The following RALYL variants were observed in gnomAD, a reference collection of about 807,000 sequenced individuals.
RALYL encodes the protein RALY RNA binding protein like, also known as RNA-binding Raly-like protein.
RALYL carries 29 observed loss-of-function variants against 35.1 expected under a neutral mutation model. The ratio of observed to expected loss-of-function variants is 0.83; its 90% confidence interval spans 0.61 to 1.13. The LOEUF (loss-of-function observed/expected upper bound fraction) is 1.13. Among genes scored for constraint, RALYL ranks in the 50% most tolerant of loss-of-function variants. RALYL has a pLI of 0.00. For synonymous variants in RALYL, 120 were observed against 127.6 expected (o/e 0.94, Z 0.40); for missense variants, 359 against 360.4 (o/e 1.00, Z 0.03).
intron 2 of RALYL, among the ~76,000 whole-genome samples, chr8:84,628,718 G>A (rs969124739): frequency 1.3e-5 from 2 of 151,974 alleles, no homozygotes; most frequent in Non-Finnish European, 2.9e-5. Flanking sequence ...AAGTAAGAAG[G>A]GTGGATAGAG....
chr8:84,235,761 C>CTTTTT lies in RALYL; in HGVS notation c.-24+51338_-24+51342dup, dbSNP rs200486763. Among the ~76,000 whole-genome samples the CTTTTT allele has an allele frequency of 5.8e-5, 8 of 138,206 alleles. 1 individual carries two copies. The highest frequency in any genetic ancestry group is 1.4e-4 in the African/African-American group (5 of 36,116). The allele number at this position is 138,206 out of a possible 152,430, so 90.7% of individuals were successfully genotyped here. On this transcript the variant is annotated intron_variant, in intron 1 of 8. Coordinates refer to ENST00000521268, the MANE Select transcript of RALYL (RefSeq NM_173848.7). ...ATCCAATGCATTTCTTTTTCTTTTT[C>CTTTTT]TTTTTCTTTTTTTTTTTTTTTTTTG...
intron 1 of RALYL, among the ~76,000 whole-genome samples, chr8:84,305,143 A>G (rs1330898055): frequency 6.6e-6 from 1 of 152,200 alleles, no homozygotes; most frequent in Admixed American, 6.5e-5. Context: ...TAAGTAAAAA[A>G]ACACTCAATT....
intron 2 of RALYL, among the ~76,000 whole-genome samples, chr8:84,537,783 C>T (rs1053373869): frequency 1.3e-5 from 2 of 152,138 alleles, no homozygotes; most frequent in Non-Finnish European, 2.9e-5. Context: ...TAATTAAACT[C>T]ATTTTACAAA....
chr8:84,627,879 T>C (rs1823082975), intron 2 of RALYL, among the ~76,000 whole-genome samples: 2 of 152,086 alleles, frequency 1.3e-5, no homozygotes, highest in South Asian at 4.1e-4. Flanking sequence ...CAAATCTATT[T>C]CAAATTGTAC....
chr8:84,486,819 G>T (rs145259192), intron 1 of RALYL, among the ~76,000 whole-genome samples: 1 of 151,910 alleles, frequency 6.6e-6, no homozygotes, highest in Admixed American at 6.6e-5. Flanking sequence ...TTTTGTTGTG[G>T]TTAAAAACAC....
chr8:84,707,044 T>G (rs1223521590), intron 2 of RALYL, among the ~76,000 whole-genome samples: 2 of 152,176 alleles, frequency 1.3e-5, no homozygotes, highest in African/African-American at 2.4e-5. Flanking sequence ...CAGTCACAAT[T>G]ATCCTATCAA....
intron 2 of RALYL, among the ~76,000 whole-genome samples, chr8:84,709,614 TA>T (rs142708662): frequency 6.0e-5 from 9 of 150,224 alleles, no homozygotes; most frequent in South Asian, 2.1e-4. Context: ...TTCTTTTTTT[TA>T]AAAAAAAAAC....
At chr8:84,875,689 C>T (rs1482896938) in intron 7 of RALYL, among the ~76,000 whole-genome samples, 2 of 151,856 alleles carry the variant, frequency 1.3e-5, no homozygotes, top group South Asian at 2.1e-4. Flanking sequence ...ATATTTTCTT[C>T]ACGAAAAAAA....
At chr8:84,726,157 C>G (rs1268104505) in intron 2 of RALYL, among the ~76,000 whole-genome samples, 1 of 149,396 alleles carries the variant, frequency 6.7e-6, no homozygotes, top group Admixed American at 6.7e-5. Context: ...TATAGCCAAA[C>G]CTGCTCAGTG....
In RALYL at chr8:84,781,477, C is replaced by A. The variant is rs533343117; in HGVS notation, c.332+6823C>A. On this transcript the variant is annotated intron_variant, in intron 3 of 8. Transcript: ENST00000521268. Reference sequence around the variant, plus strand: ...TTAATGCATGAATATCCATTAATATCTTCTGGCATATAGAAAGAATAGAGT... The same window carrying A: ...TTAATGCATGAATATCCATTAATATATTCTGGCATATAGAAAGAATAGAGT... 1.4e-3 allele frequency among the ~76,000 whole-genome samples: 213 copies of A among 152,252 alleles called. 1 individual carries two copies. The highest frequency in any genetic ancestry group is 5.0e-3 in the African/African-American group (206 of 41,538).
chr8:84,577,394 T>C (rs1483353), intron 2 of RALYL, among the ~76,000 whole-genome samples: 45,583 of 151,832 alleles, frequency 0.3, 7,694 homozygotes, highest in African/African-American at 0.46. Flanking sequence ...AGACGAATGG[T>C]GGGTGGTAAA....
chr8:84,310,171 T>C (rs1329657690), intron 1 of RALYL, among the ~76,000 whole-genome samples: 3 of 151,978 alleles, frequency 2.0e-5, no homozygotes, highest in Admixed American at 2.0e-4. Flanking sequence ...GCCTCCCAAG[T>C]ACCTGGGGTT....
chr8:84,807,826 A>G (rs577308196), intron 4 of RALYL, among the ~76,000 whole-genome samples: 81 of 152,204 alleles, frequency 5.3e-4, no homozygotes, highest in African/African-American at 1.9e-3. Flanking sequence ...TTTGAGTACT[A>G]TCTATTCATG....
chr8:84,511,770 T>C (rs2057643356), intron 1 of RALYL, among the ~76,000 whole-genome samples: 1 of 152,144 alleles, frequency 6.6e-6, no homozygotes. Context: ...CCCTTAGCTC[T>C]CATGTATGAG....
intron 1 of RALYL, among the ~76,000 whole-genome samples, chr8:84,339,125 T>A (rs1848327013): frequency 1.3e-5 from 2 of 152,006 alleles, no homozygotes; most frequent in African/African-American, 2.4e-5. Flanking sequence ...GTTTGTGATG[T>A]CCCATTTGTA....
intron 1 of RALYL, among the ~76,000 whole-genome samples, chr8:84,348,979 C>G (rs2131027471): frequency 6.7e-6 from 1 of 150,106 alleles, no homozygotes; most frequent in East Asian, 1.9e-4. Context: ...AACCCTGAAA[C>G]AGGCTGGGTA....
At chr8:84,872,417 C>A (rs1160482291) in intron 6 of RALYL, 1 of 152,040 alleles carries the variant, frequency 6.6e-6, no homozygotes, top group Admixed American at 6.6e-5. Flanking sequence ...AAATTTTTTA[C>A]AAATATAAAC....
At chr8:84,429,962 G>A (rs924164287) in intron 1 of RALYL, among the ~76,000 whole-genome samples, 1 of 151,360 alleles carries the variant, frequency 6.6e-6, no homozygotes, top group Non-Finnish European at 1.5e-5. Flanking sequence ...TCTGAAAGGT[G>A]CAGAAAGAAA....
intron 2 of RALYL, among the ~76,000 whole-genome samples, chr8:84,676,400 A>G (rs1834200641): frequency 6.6e-6 from 1 of 152,230 alleles, no homozygotes; most frequent in Non-Finnish European, 1.5e-5. Flanking sequence ...GATTGTAGGC[A>G]TAACCCCTTT....
Sources: allele counts gnomAD v4.1 joint callset (sites outside exome capture counted in the v4.1 genomes callset), GRCh38; gene constraint gnomAD v4.1.1; transcripts MANE v1.5; gene names NCBI Gene and HGNC (gene_info 2026-07-23, HGNC 2026-07-21).